Variants in TRRAP observed in about 807,000 individuals in gnomAD.
TRRAP encodes the protein transformation/transcription domain-associated protein.
A neutral mutation model predicts 438.8 loss-of-function variants in TRRAP; 41 were observed. The observed-to-expected ratio is 0.09, with a 90% CI of 0.07 to 0.12. The LOEUF is 0.12. Ranked by LOEUF, TRRAP falls within the 10% of genes least tolerant of loss-of-function variation. The pLI is 1.00. For missense variants in TRRAP, 3,122 were observed against 5,055.1 expected (o/e 0.62, Z 11.60); for synonymous variants, 1,994 against 1,962.9 (o/e 1.02, Z -0.42).
chr7:98,930,894 A>G, intron 25 of TRRAP, 64 bp downstream of exon 25: 1 of 1,590,120 alleles, frequency 6.3e-7, no homozygotes, highest in South Asian at 1.1e-5. Flanking sequence ...CCTGAAGAAT[A>G]CTATAAGATC....
rs1793092384 is a variant in TRRAP, at chr7:98,985,051, A to G, written c.9389+7A>G. ...TCTTGGCTCAGATCAACAAGTATGT[A>G]TGTTATATTGAAAGGATAAGAGAAA... On this transcript the variant is annotated splice_region_variant and intron_variant, in intron 62 of 72. Coordinates refer to ENST00000456197, the MANE Select transcript of TRRAP (RefSeq NM_001375524.1). 1.3e-6 allele frequency: 2 copies of G among 1,578,966 alleles called. No individual in the cohort carries two copies. The highest frequency in any genetic ancestry group is 1.7e-6 in the Non-Finnish European group (2 of 1,153,708).
At chr7:98,886,644 A>G (rs990944838) in intron 3 of TRRAP, among the ~76,000 whole-genome samples, 5 of 152,228 alleles carry the variant, frequency 3.3e-5, no homozygotes, top group African/African-American at 4.8e-5. Flanking sequence ...AAAGAATTAA[A>G]TACTAGAATG....
In TRRAP at chr7:98,894,779, A is replaced by G. The variant is rs545208464; in HGVS notation, c.450+898A>G. The stretch of plus-strand genomic sequence containing the variant: ...CAGGCTTATGCCACCACACCCAGCT[A>G]ATGGTTTTTTTTTTTTTTTTTTTTT... On this transcript the variant is annotated intron_variant, in intron 6 of 72. Transcript: ENST00000456197. Among the ~76,000 whole-genome samples the G allele has an allele frequency of 9.6e-5, 13 of 135,160 alleles. No individual in the cohort carries two copies. In the South Asian group the frequency reaches 3.3e-3, roughly 34 times the overall value. 88.7% of individuals were successfully genotyped at this position (135,160 alleles called of 152,430 possible). A position where few individuals can be genotyped will look rare whatever the true frequency, so the allele number is the denominator to read the frequency against.
intron 4 of TRRAP, among the ~76,000 whole-genome samples, chr7:98,891,206 T>TA (rs35897451): frequency 8.5e-6 from 1 of 117,388 alleles, no homozygotes; most frequent in African/African-American, 3.1e-5. Flanking sequence ...TATATATATT[T>TA]TTTTTTTTTT....
At position 99,007,495 on chromosome 7, in the gene TRRAP, C is replaced by T. The variant is rs545140912; in HGVS notation, c.10754-882C>T. Among the ~76,000 whole-genome samples, 20 of 145,292 alleles carry T rather than the reference C, an allele frequency of 1.4e-4. No homozygotes were observed. The East Asian group carries it at 3.4e-3, about 24-fold the overall frequency. On this transcript the variant is annotated intron_variant, in intron 69 of 72. Coordinates refer to ENST00000456197, the MANE Select transcript of TRRAP (RefSeq NM_001375524.1). ...TCCCGAGTAGCTGGGACTACAGGTG[C>T]GCACCACCACGCCTGGCTAATTTTT...
At chr7:98,966,549 G>A (rs1335607139) in intron 49 of TRRAP, among the ~76,000 whole-genome samples, 3 of 152,114 alleles carry the variant, frequency 2.0e-5, no homozygotes, top group Non-Finnish European at 4.4e-5. Flanking sequence ...GTCAGGTATG[G>A]TGGCGCATGC....
intron 41 of TRRAP, 26 bp downstream of exon 41, chr7:98,955,330 G>C (rs374886341): frequency 2.5e-6 from 4 of 1,583,808 alleles, no homozygotes; most frequent in Non-Finnish European, 1.7e-6. Context: ...GGTGGGCTGC[G>C]GGGCGCGCGT....
Position 98,908,391 on chromosome 7 carries a change from C to A in TRRAP, c.1116-337C>A, listed in dbSNP as rs192202886. Among the ~76,000 whole-genome samples the A allele has an allele frequency of 6.6e-6, 1 of 152,072 alleles. No individual in the cohort carries two copies. Among genetic ancestry groups the A allele is most frequent in the South Asian group, 2.1e-4 (1 of 4,828 alleles). On this transcript the variant is annotated intron_variant, in intron 13 of 72. Coordinates refer to ENST00000456197, the MANE Select transcript of TRRAP (RefSeq NM_001375524.1). This position sits in a 1 kb window ranked among gnomAD's most constrained non-coding sequence, Gnocchi z 4.1. ...CATCATATATAAAGATTGATTGACC[C>A]GTCCTATTTATTTTTGAGCAACAAA...
chr7:98,962,160 G>A, intron 46 of TRRAP, 142 bp from the exon 47 acceptor site: 1 of 1,230,452 alleles, frequency 8.1e-7, no homozygotes, highest in Non-Finnish European at 1.1e-6. Context: ...GCCCAGAGGT[G>A]AGGCCCACAC....
chr7:98,964,638 T>C lies in TRRAP; in HGVS notation c.6839T>C (p.Met2280Thr). 5 of 1,612,904 alleles carry C rather than the reference T, an allele frequency of 3.1e-6. No individual in the cohort carries two copies. Among genetic ancestry groups the C allele is most frequent in the Non-Finnish European group, 4.2e-6 (5 of 1,179,690 alleles). The stretch of plus-strand genomic sequence containing the variant: ...AATTTCTACATTTTAGGGACCCTTA[T>C]GATCCTCAAGTCTGCCTGCAGCAAC... The part of the protein sequence containing the change: ...ANPSQLFGTL[M>T]ILKSACSNNP... The change falls in exon 48 of 73, where the codon ATG becomes ACG. Residue 2280 changes from methionine to threonine, a missense_variant. This residue lies in a region of TRRAP where 992 missense variants were observed against 1,281.2 expected (regional missense o/e 0.77). Coordinates refer to ENST00000456197, the MANE Select transcript of TRRAP (RefSeq NM_001375524.1).
chr7:98,904,160 C>T (rs1796605137), intron 12 of TRRAP, among the ~76,000 whole-genome samples: 1 of 152,016 alleles, frequency 6.6e-6, no homozygotes, highest in African/African-American at 2.4e-5. Context: ...GTGTTGGGGA[C>T]CTTTGTAGCA....
At chr7:98,942,881 C>T in intron 30 of TRRAP, 68 bp from the exon 31 acceptor site, 1 of 1,542,318 alleles carries the variant, frequency 6.5e-7, no homozygotes, top group Middle Eastern at 1.7e-4. Context: ...TGAATGATTA[C>T]ATAGTAGTTT....
At chr7:98,902,160 A>G (rs1485986231) in intron 11 of TRRAP, among the ~76,000 whole-genome samples, 1 of 152,206 alleles carries the variant, frequency 6.6e-6, no homozygotes, top group African/African-American at 2.4e-5. Flanking sequence ...TGCTGCTGTT[A>G]GAAGTTGTGT....
chr7:98,882,503 T>C (rs1199375827), intron 3 of TRRAP, among the ~76,000 whole-genome samples: 1 of 150,938 alleles, frequency 6.6e-6, no homozygotes, highest in Non-Finnish European at 1.5e-5. Context: ...GCTGAGACTA[T>C]AGGTGCCTGC....
intron 21 of TRRAP, among the ~76,000 whole-genome samples, chr7:98,923,406 A>G (rs1394176220): frequency 1.3e-5 from 2 of 152,232 alleles, no homozygotes; most frequent in African/African-American, 4.8e-5. Flanking sequence ...CACTGGCTGC[A>G]GCACACCTGG....
chr7:98,985,912 A>C (rs1223597734), intron 62 of TRRAP, among the ~76,000 whole-genome samples: 1 of 152,154 alleles, frequency 6.6e-6, no homozygotes, highest in Non-Finnish European at 1.5e-5. Flanking sequence ...ATCATCCCCC[A>C]AGTAAACCCT....
At position 98,908,574 on chromosome 7, in the gene TRRAP, T is replaced by G. The variant is rs1281913155; in HGVS notation, c.1116-154T>G. Among the ~76,000 whole-genome samples the G allele has an allele frequency of 6.6e-6, 1 of 151,988 alleles. No individual in the cohort carries two copies. Among genetic ancestry groups the G allele is most frequent in the Non-Finnish European group, 1.5e-5 (1 of 68,022 alleles). On this transcript the variant is annotated intron_variant, in intron 13 of 72. Transcript: ENST00000456197. This position sits in a 1 kb window ranked among gnomAD's most constrained non-coding sequence, Gnocchi z 4.1. ...ACAAAACTTGAGCCCTCTTCTGTCA[T>G]GTATCTGGGAGAGAGTAATGTGGTG...
At chr7:99,004,145 G>A (rs769405211) in intron 67 of TRRAP, 45 bp from the exon 68 acceptor site, 2 of 1,567,150 alleles carry the variant, frequency 1.3e-6, no homozygotes, top group African/African-American at 2.7e-5. Context: ...TGTTAGAACT[G>A]GCCCAGATGA....
At position 98,939,999 on chromosome 7, in the gene TRRAP, A is replaced by G. The variant is rs529140161; in HGVS notation, c.4404+2179A>G. On this transcript the variant is annotated intron_variant, in intron 30 of 72. Coordinates refer to ENST00000456197, the MANE Select transcript of TRRAP (RefSeq NM_001375524.1). ...CGGGTTCAAGTGATTCTCCTGCCTC[A>G]GCCTCCCAAGTAACTGGGATTACAG... Among the ~76,000 whole-genome samples, 3 of 152,200 alleles carry G rather than the reference A, an allele frequency of 2.0e-5. No individual in the cohort carries two copies. In the South Asian group the frequency reaches 6.2e-4, roughly 32 times the overall value.
Sources: allele counts gnomAD v4.1 joint callset (sites outside exome capture counted in the v4.1 genomes callset), GRCh38; gene constraint gnomAD v4.1.1; regional missense constraint gnomAD v4.1.1; non-coding constraint Gnocchi (gnomAD v3.1); transcripts MANE v1.5; gene names NCBI Gene and HGNC (gene_info 2026-07-23, HGNC 2026-07-21).